TNXB: variants seen among roughly 807,000 people sequenced by gnomAD.
TNXB encodes tenascin XB.
Under a neutral mutation model 340.5 loss-of-function variants are expected in TNXB, and 183 were observed. The ratio of observed to expected loss-of-function variants is 0.54; its 90% confidence interval spans 0.48 to 0.61. The LOEUF is 0.61. Among genes scored for constraint, TNXB ranks in the 20% least tolerant of loss-of-function variants. The probability of loss-of-function intolerance (pLI) is 0.00; values close to 1 mark genes in which losing one functional copy is unlikely to be tolerated. For missense variants in TNXB, 4,613 were observed against 5,446.4 expected (o/e 0.85, Z 4.82); for synonymous variants, 2,121 against 2,314.5 (o/e 0.92, Z 2.40).
chr6:32,088,143 G>A (rs1779901105), intron 6 of TNXB, among the ~76,000 whole-genome samples: 1 of 152,132 alleles, frequency 6.6e-6, no homozygotes, highest in African/African-American at 2.4e-5. Context: ...GAGGGAAATC[G>A]GTCAGTGTCC....
In TNXB at chr6:32,068,810, C is replaced by A; in HGVS notation, c.5902+12G>T. 6.3e-7 allele frequency: 1 copy of A among 1,597,890 alleles called. No individual in the cohort carries two copies. The highest frequency in any genetic ancestry group is 8.5e-7 in the Non-Finnish European group (1 of 1,169,894). ...GCCATCTGAAAGGAGGCATAGTGGG[C>A]AGAGTTCTCACCTGTCAGGGCCTCG... On this transcript the variant is annotated intron_variant, in intron 16 of 43. Transcript: ENST00000644971. The surrounding 1 kb of genome is among the most constrained non-coding windows in gnomAD (Gnocchi z 5.3).
At position 32,087,002 on chromosome 6, in the gene TNXB, C is replaced by A. The variant is rs1202640460; in HGVS notation, c.2780-884G>T. ...CAATCCTGGAAGTGTCCCGGGAAAC[C>A]CCAAAGAAGGCGCTGCCTTGACCTT... On this transcript the variant is annotated intron_variant, in intron 6 of 43. Transcript: ENST00000644971. The surrounding 1 kb of genome is among the most constrained non-coding windows in gnomAD (Gnocchi z 9.0). Among the ~76,000 whole-genome samples the A allele has an allele frequency of 1.3e-5, 2 of 152,186 alleles. No homozygotes were observed. Among genetic ancestry groups the A allele is most frequent in the Non-Finnish European group, 2.9e-5 (2 of 68,032 alleles).
chr6:32,099,829 A>G (rs1254433718), intron 1 of TNXB, among the ~76,000 whole-genome samples: 1 of 151,976 alleles, frequency 6.6e-6, no homozygotes, highest in Non-Finnish European at 1.5e-5. Flanking sequence ...AATAGGGCCC[A>G]GAAACAGGCC....
At chr6:32,066,687 A>G (rs1004000607) in intron 18 of TNXB, among the ~76,000 whole-genome samples, 2 of 152,242 alleles carry the variant, frequency 1.3e-5, no homozygotes, top group Admixed American at 1.3e-4. Context: ...ATGGCTGCAC[A>G]AGTAGGTAAA....
rs1326482414 is a variant in TNXB, at chr6:32,052,834, A to G, written c.8951T>C (p.Val2984Ala). The G allele has an allele frequency of 3.7e-6, 6 of 1,613,470 alleles. No homozygotes were observed. Among genetic ancestry groups the G allele is most frequent in the African/African-American group, 1.3e-5 (1 of 74,910 alleles). The change falls in exon 26 of 44, where the codon GTG becomes GCG. Residue 2984 changes from valine (V) to alanine (A), a missense_variant. By Grantham distance (64) the Val-to-Ala change is moderately conservative. Transcript: ENST00000644971. This position sits in a 1 kb window ranked among gnomAD's most constrained non-coding sequence, Gnocchi z 4.7. ...CCGCCCGTCCCTGTCCTTGTACTGCACAGTGAAGGAGTCGAAGCGGCCCTG... is the reference window on the plus strand; with the variant it reads ...CCGCCCGTCCCTGTCCTTGTACTGCGCAGTGAAGGAGTCGAAGCGGCCCTG... The part of the protein sequence containing the change: ...IPQGRFDSFT[V>A]QYKDRDGRPQ...
In TNXB at chr6:32,082,143, C is replaced by A. The variant is rs1194335452; in HGVS notation, c.3629G>T (p.Arg1210Leu). Residue 1210 changes from arginine to leucine, a missense_variant, in exon 9 of 44, where the codon CGT becomes CTT. Arg to Leu is a moderately radical substitution (Grantham distance 102). This residue lies in a region of TNXB where 4,327 missense variants were observed against 4,859.4 expected (regional missense o/e 0.89). Coordinates refer to ENST00000644971, the MANE Select transcript of TNXB (RefSeq NM_001365276.2). The surrounding 1 kb of genome is among the most constrained non-coding windows in gnomAD (Gnocchi z 5.0). ...PQVVPVEGPE[R>L]SFVVSSLDPD... ...GTCCAGTGAGGAGACAACAAATGAA[C>A]GCTCGGGCCCTTCCACAGGTACCAC... The A allele has an allele frequency of 6.2e-7, 1 of 1,611,540 alleles. No individual in the cohort carries two copies. Among genetic ancestry groups the A allele is most frequent in the South Asian group, 1.1e-5 (1 of 90,844 alleles).
At chr6:32,099,738 A>C (rs1297044406) in intron 1 of TNXB, among the ~76,000 whole-genome samples, 6 of 151,174 alleles carry the variant, frequency 4.0e-5, no homozygotes, top group African/African-American at 1.2e-4. Flanking sequence ...AAAAAAAAAA[A>C]CAAAAATCCT....
At position 32,098,123 on chromosome 6, in the gene TNXB, AG is replaced by A; in HGVS notation, c.75del (p.Phe26SerfsTer7). 6.3e-7 allele frequency: 1 copy of A among 1,597,656 alleles called. No homozygotes were observed. The highest frequency in any genetic ancestry group is 8.5e-7 in the Non-Finnish European group (1 of 1,171,134). ...AGTGTCACATTGGACCGTGAAGAGA[AG>A]GGGCCTGCTCTGGCTGTGCTCAGCA... Reference protein sequence around the residue: ...LVLLSTARAGPFSSRSNVTLP... With the variant: ...LVLLSTARAGXFSSRSNVTLP... On this transcript the variant is annotated frameshift_variant, in exon 2 of 44. Coordinates refer to ENST00000644971, the MANE Select transcript of TNXB (RefSeq NM_001365276.2). LOFTEE classifies it high-confidence loss of function.
At position 32,095,905 on chromosome 6, in the gene TNXB, G is replaced by C. The variant is rs773316282; in HGVS notation, c.1948C>G (p.Arg650Gly). ...PGYTGPTCATRMCPADCRGRG... is the reference protein window; with the variant it reads ...PGYTGPTCATGMCPADCRGRG... Reference sequence around the variant, plus strand: ...CCCCGGCAGTCAGCCGGGCACATGCGGGTGGCACAGGTAGGGCCGGTGTAG... The same window carrying C: ...CCCCGGCAGTCAGCCGGGCACATGCCGGTGGCACAGGTAGGGCCGGTGTAG... The change falls in exon 3 of 44, where the codon CGC becomes GGC. Residue 650 changes from arginine to glycine, a missense_variant. By Grantham distance (125) the Arg-to-Gly change is moderately radical. Transcript: ENST00000644971. 76 of 1,612,522 alleles carry C rather than the reference G, an allele frequency of 4.7e-5. No homozygotes were observed. The African/African-American group carries it at 8.4e-4, about 18-fold the overall frequency.
chr6:32,099,232 T>A (rs1582484307), intron 1 of TNXB, among the ~76,000 whole-genome samples: 1 of 87,286 alleles, frequency 1.1e-5, no homozygotes, highest in Non-Finnish European at 2.1e-5. Flanking sequence ...CCTCTCTCTC[T>A]CACTTTTTTT....
At position 32,079,476 on chromosome 6, in the gene TNXB, G is replaced by A. The variant is rs1779317033; in HGVS notation, c.4043-111C>T. 3.3e-6 allele frequency: 3 copies of A among 906,782 alleles called. No individual in the cohort carries two copies. In the African/African-American group the frequency reaches 5.0e-5, roughly 15 times the overall value. The allele number at this position is 906,782 out of a possible 1,614,324, so 56.2% of individuals were successfully genotyped here. A position where few individuals can be genotyped will look rare whatever the true frequency, so the allele number is the denominator to read the frequency against. On this transcript the variant is annotated intron_variant, in intron 10 of 43. Coordinates refer to ENST00000644971, the MANE Select transcript of TNXB (RefSeq NM_001365276.2). This position sits in a 1 kb window ranked among gnomAD's most constrained non-coding sequence, Gnocchi z 7.1. ...TGGGCTCAGGGGCTCTGTAGCCTTT[G>A]TATTTGCCATTCGGTCACTCACGGA...
chr6:32,069,217 G>C lies in TNXB; in HGVS notation c.5588-81C>G. 2 of 1,392,304 alleles carry C rather than the reference G, an allele frequency of 1.4e-6. No individual in the cohort carries two copies. The highest frequency in any genetic ancestry group is 4.8e-5 in the East Asian group (2 of 41,518). 86.2% of individuals were successfully genotyped at this position (1,392,304 alleles called of 1,614,324 possible). A position where few individuals can be genotyped will look rare whatever the true frequency, so the allele number is the denominator to read the frequency against. On this transcript the variant is annotated intron_variant, in intron 15 of 43. Transcript: ENST00000644971. The surrounding 1 kb of genome is among the most constrained non-coding windows in gnomAD (Gnocchi z 6.2). Reference sequence around the variant, plus strand: ...CTCAGGAGGAGTGAGGGAGGAGAGGGAGTGAGGGCAAGCAGTCAGCAATCG... The same window carrying C: ...CTCAGGAGGAGTGAGGGAGGAGAGGCAGTGAGGGCAAGCAGTCAGCAATCG...
rs183565124 is a variant in TNXB, at chr6:32,064,622, A to T, written c.6841+199T>A. ...TTTCCTGGTCCCCCACCTCTTTGGGAACCCAAAAAGCCCATGTGTAACGGG... is the reference window on the plus strand; with the variant it reads ...TTTCCTGGTCCCCCACCTCTTTGGGTACCCAAAAAGCCCATGTGTAACGGG... On this transcript the variant is annotated intron_variant, in intron 19 of 43. Transcript: ENST00000644971. The surrounding 1 kb of genome is among the most constrained non-coding windows in gnomAD (Gnocchi z 5.3). Among the ~76,000 whole-genome samples, 455 of 152,192 alleles carry T rather than the reference A, an allele frequency of 3.0e-3. 2 individuals carry two copies. The highest frequency in any genetic ancestry group is 0.01 in the African/African-American group (425 of 41,534).
At position 32,046,163 on chromosome 6, in the gene TNXB, C is replaced by T. The variant is rs1006745835; in HGVS notation, c.10606+12G>A. On this transcript the variant is annotated intron_variant, in intron 31 of 43. Coordinates refer to ENST00000644971, the MANE Select transcript of TNXB (RefSeq NM_001365276.2). The surrounding 1 kb of genome is among the most constrained non-coding windows in gnomAD (Gnocchi z 6.9). ...CAAGCTGGCTTGCTATAGCCAGGCA[C>T]AGCAGCCTCACCTGTCATTCCCAGG... 1.3e-6 allele frequency: 2 copies of T among 1,576,724 alleles called. No individual in the cohort carries two copies. Among genetic ancestry groups the T allele is most frequent in the African/African-American group, 2.7e-5 (2 of 74,490 alleles).
chr6:32,046,190 C>T lies in TNXB; in HGVS notation c.10591G>A (p.Ala3531Thr), dbSNP rs751486929. ...LGGKRLGPVSALGMTAPEEDT... is the reference protein window; with the variant it reads ...LGGKRLGPVSTLGMTAPEEDT... ...GCAGCCTCACCTGTCATTCCCAGGG[C>T]AGAGACCGGGCCCAGGCGCTTTCCC... The change falls in exon 31 of 44, where the codon GCC (alanine) becomes ACC (threonine). Residue 3531 changes from alanine to threonine, a missense_variant. Ala to Thr is a moderately conservative substitution (Grantham distance 58). Coordinates refer to ENST00000644971, the MANE Select transcript of TNXB (RefSeq NM_001365276.2). The surrounding 1 kb of genome is among the most constrained non-coding windows in gnomAD (Gnocchi z 6.9). 6.3e-7 allele frequency: 1 copy of T among 1,585,064 alleles called. No individual in the cohort carries two copies. Among genetic ancestry groups the T allele is most frequent in the Non-Finnish European group, 8.6e-7 (1 of 1,161,064 alleles).
At position 32,081,401 on chromosome 6, in the gene TNXB, G is replaced by A. The variant is rs745543647; in HGVS notation, c.4009C>T (p.Arg1337Cys). ...GCCACCACAGACTCGGGCCCCACAC[G>A]CTGCCTGCCACGAAGCCCGTAGAGG... ...MNLYGLRGRQ[R>C]VGPESVVAKT... Residue 1337 changes from arginine to cysteine, a missense_variant, in exon 10 of 44, where the codon CGT (arginine) becomes TGT (cysteine). Physicochemically the swap from Arg to Cys is radical, Grantham distance 180 (BLOSUM62 -3). This residue lies in a region of TNXB where 4,327 missense variants were observed against 4,859.4 expected (regional missense o/e 0.89). Coordinates refer to ENST00000644971, the MANE Select transcript of TNXB (RefSeq NM_001365276.2). This position sits in a 1 kb window ranked among gnomAD's most constrained non-coding sequence, Gnocchi z 5.1. The A allele has an allele frequency of 2.1e-5, 32 of 1,543,268 alleles. No homozygotes were observed. Among genetic ancestry groups the A allele is most frequent in the South Asian group, 1.2e-4 (10 of 82,896 alleles).
intron 1 of TNXB, among the ~76,000 whole-genome samples, chr6:32,102,206 T>C (rs904978365): frequency 5.9e-5 from 9 of 152,208 alleles, no homozygotes; most frequent in Admixed American, 5.9e-4. Context: ...AGTGGGAGCA[T>C]ATATTAATGC....
intron 21 of TNXB, among the ~76,000 whole-genome samples, chr6:32,059,283 G>A (rs1286372310): frequency 2.6e-5 from 4 of 151,280 alleles, no homozygotes; most frequent in Non-Finnish European, 5.9e-5. Context: ...GCCAGGCGTG[G>A]TGGCATGCAC....
rs191791016 is a variant in TNXB, at chr6:32,087,386, C to T, written c.2780-1268G>A. The T allele has an allele frequency of 2.1e-6, 1 of 470,424 alleles. No individual in the cohort carries two copies. Among genetic ancestry groups the T allele is most frequent in the Admixed American group, 2.3e-5 (1 of 44,054 alleles). 29.1% of individuals were successfully genotyped at this position (470,424 alleles called of 1,614,324 possible). On this transcript the variant is annotated intron_variant, in intron 6 of 43. Transcript: ENST00000644971. This position sits in a 1 kb window ranked among gnomAD's most constrained non-coding sequence, Gnocchi z 9.0. ...GTGGTGCCCGGCACAGTCAGCTCAC[C>T]GCCGGGGCCCTCTGCAGGCGGCTGA...
Sources: allele counts gnomAD v4.1 joint callset (sites outside exome capture counted in the v4.1 genomes callset), GRCh38; gene constraint gnomAD v4.1.1; regional missense constraint gnomAD v4.1.1; non-coding constraint Gnocchi (gnomAD v3.1); transcripts MANE v1.5; gene names NCBI Gene and HGNC (gene_info 2026-07-23, HGNC 2026-07-21).